CDCP1: variants seen among roughly 807,000 people sequenced by gnomAD.
The protein encoded by CDCP1 is CUB domain-containing protein 1.
A neutral mutation model predicts 60.2 loss-of-function variants in CDCP1; 29 were observed. The ratio of observed to expected loss-of-function variants is 0.48; its 90% CI spans 0.36 to 0.66. The LOEUF is 0.66. CDCP1 is among the 30% of genes least tolerant of loss of function. CDCP1 has a pLI of 0.00. For synonymous variants in CDCP1, 387 were observed against 431.1 expected, an observed-to-expected ratio of 0.90 and a Z score of 1.27; for missense variants, 876 against 1,074.3, an observed-to-expected ratio of 0.82 and a Z score of 2.58.
chr3:45,139,755 T>A (rs1699252561), intron 1 of CDCP1, among the ~76,000 whole-genome samples: 1 of 152,148 alleles, frequency 6.6e-6, no homozygotes, highest in Non-Finnish European at 1.5e-5. Context: ...GAGCACAGAG[T>A]TCCAGTATGA....
chr3:45,111,460 C>A (rs758380795), intron 3 of CDCP1, among the ~76,000 whole-genome samples: 3 of 152,122 alleles, frequency 2.0e-5, no homozygotes, highest in Admixed American at 6.6e-5. Context: ...AGGATTACCT[C>A]AGGTCAGGAG....
intron 4 of CDCP1, among the ~76,000 whole-genome samples, chr3:45,109,189 T>C (rs1396773776): frequency 6.6e-6 from 1 of 151,850 alleles, no homozygotes; most frequent in Admixed American, 6.6e-5. Flanking sequence ...CCTCAAGTGA[T>C]TTGCCTGCCT....
intron 1 of CDCP1, among the ~76,000 whole-genome samples, chr3:45,140,683 G>A (rs561860440): frequency 2.0e-5 from 3 of 152,292 alleles, no homozygotes; most frequent in African/African-American, 7.2e-5. Context: ...TAAATGACAC[G>A]CAGACCTACT....
chr3:45,132,071 T>C (rs1054142362), intron 1 of CDCP1, among the ~76,000 whole-genome samples: 1 of 151,800 alleles, frequency 6.6e-6, no homozygotes, highest in Non-Finnish European at 1.5e-5. Context: ...CTGTCTCTAC[T>C]TAAAAAAATA....
intron 4 of CDCP1, 101 bp downstream of exon 4, chr3:45,110,372 C>G: frequency 1.3e-6 from 2 of 1,500,682 alleles, no homozygotes; most frequent in Non-Finnish European, 1.8e-6. Flanking sequence ...GTTTCAGAAG[C>G]CACAGATGAG....
Position 45,112,292 on chromosome 3 carries a change from A to G in CDCP1, c.446T>C (p.Ile149Thr). ...GTCTGGGCAGCTCTCACCCGGACCG[A>G]TCTGCCTCAGGCGAGGGATGGAAAA... is the stretch of plus-strand genomic sequence containing the variant. ...LQFSIPRLRQ[I>T]GPGESCPDGV... The change falls in exon 3 of 9, where the codon ATC becomes ACC. Residue 149 changes from isoleucine to threonine, a missense_variant. By Grantham distance (89) the Ile-to-Thr change is moderately conservative. Around this residue, in one of 2 missense-constraint regions of CDCP1, gnomAD observed 726 missense variants for 935.7 expected, o/e 0.78. Coordinates refer to ENST00000296129, the MANE Select transcript of CDCP1 (RefSeq NM_022842.5). 1 of 1,614,206 alleles carries G rather than the reference A, an allele frequency of 6.2e-7. No homozygotes were observed. Among genetic ancestry groups the G allele is most frequent in the Non-Finnish European group, 8.5e-7 (1 of 1,180,032 alleles).
Position 45,126,127 on chromosome 3 carries a change from T to TTTCTTTCTTTCC in CDCP1, c.83-7507_83-7506insGGAAAGAAAGAA, listed in dbSNP as rs2126003898. Reference sequence around the variant, plus strand: ...CTCTCTCTCTTTCTTTCTTTCTTTCTTTCTTTCTTTCTTTCTTTCTTTCTT... The same window carrying TTTCTTTCTTTCC: ...CTCTCTCTCTTTCTTTCTTTCTTTCTTTCTTTCTTTCCTTCTTTCTTTCTTTCTTTCTTTCTT... On this transcript the variant is annotated intron_variant, in intron 1 of 8. Coordinates refer to ENST00000296129, the MANE Select transcript of CDCP1 (RefSeq NM_022842.5). 1.6e-5 allele frequency among the ~76,000 whole-genome samples: 2 copies of TTTCTTTCTTTCC among 128,114 alleles called. 1 individual carries two copies. The highest frequency in any genetic ancestry group is 7.3e-5 in the African/African-American group (2 of 27,470). The allele number at this position is 128,114 out of a possible 152,430, so 84.0% of individuals were successfully genotyped here. A position where few individuals can be genotyped will look rare whatever the true frequency, so the allele number is the denominator to read the frequency against.
intron 2 of CDCP1, 105 bp downstream of exon 2, chr3:45,118,307 C>A: frequency 1.2e-6 from 1 of 852,140 alleles, no homozygotes. Context: ...CAGAATAGAT[C>A]TTAGCTCTCT....
chr3:45,114,484 T>C (rs1698752124), intron 2 of CDCP1, among the ~76,000 whole-genome samples: 1 of 152,044 alleles, frequency 6.6e-6, no homozygotes, highest in African/African-American at 2.4e-5. Flanking sequence ...TGGCACCATC[T>C]TGGCTCACTG....
intron 4 of CDCP1, among the ~76,000 whole-genome samples, chr3:45,107,640 T>C (rs1698590923): frequency 6.6e-6 from 1 of 152,180 alleles, no homozygotes; most frequent in African/African-American, 2.4e-5. Flanking sequence ...GAGGACAGTC[T>C]TACCACTTCC....
rs766606110 is a variant in CDCP1, at chr3:45,110,858, C to A, written c.656-17G>T. The A allele has an allele frequency of 6.3e-7, 1 of 1,597,202 alleles. No individual in the cohort carries two copies. The highest frequency in any genetic ancestry group is 1.1e-5 in the South Asian group (1 of 89,694). On this transcript the variant is annotated splice_polypyrimidine_tract_variant and intron_variant, in intron 3 of 8. Coordinates refer to ENST00000296129, the MANE Select transcript of CDCP1 (RefSeq NM_022842.5). The stretch of plus-strand genomic sequence containing the variant: ...TGCACAGACCTAGTGGGAGTGGAAC[C>A]CAAACCAGAAAGAATAGGGAGCCAT...
intron 2 of CDCP1, among the ~76,000 whole-genome samples, chr3:45,114,165 T>A (rs1698745816): frequency 6.6e-6 from 1 of 152,208 alleles, no homozygotes; most frequent in African/African-American, 2.4e-5. Context: ...AGCAGCCATG[T>A]GACACTGTGA....
At chr3:45,097,869 G>A (rs1218982184) in intron 4 of CDCP1, among the ~76,000 whole-genome samples, 1 of 152,208 alleles carries the variant, frequency 6.6e-6, no homozygotes, top group East Asian at 1.9e-4. Context: ...TAATTAGAGA[G>A]ATGCCATGTC....
At position 45,084,314 on chromosome 3, in the gene CDCP1, G is replaced by A. The variant is rs867295602; in HGVS notation, c.*1324C>T. 2 of 152,222 alleles carry A rather than the reference G, an allele frequency of 1.3e-5. No homozygotes were observed. Among genetic ancestry groups the A allele is most frequent in the Non-Finnish European group, 2.9e-5 (2 of 68,066 alleles). 9.4% of individuals were successfully genotyped at this position (152,222 alleles called of 1,614,324 possible). On this transcript the variant is annotated 3_prime_UTR_variant, in exon 9 of 9. Coordinates refer to ENST00000296129, the MANE Select transcript of CDCP1 (RefSeq NM_022842.5). The stretch of plus-strand genomic sequence containing the variant: ...TGTAGCCTCTCCTGTGGGAGTCAGT[G>A]GCAGGAAGGTGTGGTAGGCAGAATA...
At chr3:45,101,244 AG>A (rs1698480952) in intron 4 of CDCP1, among the ~76,000 whole-genome samples, 2 of 152,226 alleles carry the variant, frequency 1.3e-5, no homozygotes. Flanking sequence ...CTCCCTCAGC[AG>A]GGGTGGTGAA....
chr3:45,082,803 G>A lies in CDCP1; in HGVS notation c.*2835C>T, dbSNP rs1053799146. The A allele has an allele frequency of 1.3e-5, 2 of 152,258 alleles. No homozygotes were observed. Among genetic ancestry groups the A allele is most frequent in the Non-Finnish European group, 1.5e-5 (1 of 68,066 alleles). 9.4% of individuals were successfully genotyped at this position (152,258 alleles called of 1,614,324 possible). A position where few individuals can be genotyped will look rare whatever the true frequency, so the allele number is the denominator to read the frequency against. ...ACGTGGATGAGCAGTGGGCTGGCAT[G>A]CAGTAGGCTTCAACAAATGGCACTT... is the stretch of plus-strand genomic sequence containing the variant. On this transcript the variant is annotated 3_prime_UTR_variant, in exon 9 of 9. Coordinates refer to ENST00000296129, the MANE Select transcript of CDCP1 (RefSeq NM_022842.5).
rs374109300 is a variant in CDCP1, at chr3:45,093,455, G to A, written c.1449C>T (p.Leu483=). 5.0e-6 allele frequency: 8 copies of A among 1,613,998 alleles called. No individual in the cohort carries two copies. The African/African-American group carries it at 5.3e-5, about 11-fold the overall frequency. ...CCTGGCTGGGTATGGCACTGGCCACGAGGTAGCTGAAGCTGGTGTTGCAGG... is the reference window on the plus strand; with the variant it reads ...CCTGGCTGGGTATGGCACTGGCCACAAGGTAGCTGAAGCTGGTGTTGCAGG... ...EKPCNTSFSY[L]VASAIPSQDL... Residue 483 remains leucine (L), a synonymous_variant, in exon 6 of 9, where the codon CTC becomes CTT. Coordinates refer to ENST00000296129, the MANE Select transcript of CDCP1 (RefSeq NM_022842.5).
rs757422755 is a variant in CDCP1, at chr3:45,091,876, C to T, written c.1628-338G>A. Among the ~76,000 whole-genome samples the T allele has an allele frequency of 7.9e-5, 12 of 152,320 alleles. No homozygotes were observed. The highest frequency in any genetic ancestry group is 1.3e-4 in the Admixed American group (2 of 15,300). On this transcript the variant is annotated intron_variant, in intron 6 of 8. Coordinates refer to ENST00000296129, the MANE Select transcript of CDCP1 (RefSeq NM_022842.5). This position sits in a 1 kb window ranked among gnomAD's most constrained non-coding sequence, Gnocchi z 4.8. The stretch of plus-strand genomic sequence containing the variant: ...ATCTCGGCTCACTGCAAACTGCAAC[C>T]TCCACCTCTCAGGTTCAAGCAATTC...
intron 4 of CDCP1, among the ~76,000 whole-genome samples, chr3:45,098,286 C>T (rs995729121): frequency 2.6e-5 from 4 of 152,106 alleles, no homozygotes; most frequent in Admixed American, 2.6e-4. Context: ...GCAGCCTCAA[C>T]CTCCCAGGTT....
Sources: gnomAD v4.1 joint callset for allele counts (sites outside exome capture counted in the v4.1 genomes callset) on GRCh38, gnomAD v4.1.1 for gene constraint, gnomAD v4.1.1 regional missense constraint, Gnocchi (gnomAD v3.1) non-coding constraint, MANE v1.5 for transcripts, NCBI Gene and HGNC (gene_info 2026-07-23, HGNC 2026-07-21) for gene names.